The following OCIAD2 variants were observed in gnomAD, a reference collection of about 807,000 sequenced individuals.
OCIAD2 encodes OCIA domain-containing protein 2.
In OCIAD2, 29 loss-of-function variants were observed where a neutral mutation model predicts 22.9. The observed-to-expected ratio is 1.27, with a 90% CI of 0.94 to 1.73. The LOEUF (loss-of-function observed/expected upper bound fraction) is 1.73. OCIAD2 is among the 40% of genes most tolerant of loss of function. The probability of loss-of-function intolerance (pLI) is 0.00; values close to 1 mark genes in which losing one functional copy is unlikely to be tolerated. For missense variants in OCIAD2, 189 were observed against 180.3 expected, an observed-to-expected ratio of 1.05 and a Z score of -0.28; for synonymous variants, 67 against 60.2, an observed-to-expected ratio of 1.11 and a Z score of -0.52.
chr4:48,900,129 C>T (rs938991336), intron 2 of OCIAD2, among the ~76,000 whole-genome samples: 1 of 151,812 alleles, frequency 6.6e-6, no homozygotes, highest in East Asian at 1.9e-4. Flanking sequence ...GAATTCTAGT[C>T]GGAGAGTGGG....
intron 4 of OCIAD2, among the ~76,000 whole-genome samples, chr4:48,896,019 G>A (rs1041416388): frequency 3.3e-5 from 5 of 152,082 alleles, no homozygotes; most frequent in Non-Finnish European, 7.4e-5. Flanking sequence ...GCGACAGAGT[G>A]AGACTCCATC....
intron 5 of OCIAD2, chr4:48,893,169 G>T (rs988983221): frequency 2.8e-5 from 6 of 210,834 alleles, no homozygotes; most frequent in Non-Finnish European, 5.6e-5. Flanking sequence ...TCAAGCAAAC[G>T]GTTGAGGCCA....
chr4:48,888,785 G>C (rs1781071891), intron 6 of OCIAD2, among the ~76,000 whole-genome samples: 1 of 152,168 alleles, frequency 6.6e-6, no homozygotes, highest in African/African-American at 2.4e-5. Flanking sequence ...AGGGATATTG[G>C]TCTAAAATTC....
intron 6 of OCIAD2, among the ~76,000 whole-genome samples, chr4:48,889,806 G>C (rs111534013): frequency 1.6e-4 from 25 of 152,170 alleles, no homozygotes; most frequent in African/African-American, 4.3e-4. Flanking sequence ...CACATGCACA[G>C]GTATGTTTAT....
rs559943095 is a variant in OCIAD2 at position 48,893,857 on chromosome 4, A to T, written c.265+149T>A. On this transcript the variant is annotated intron_variant, in intron 5 of 6. Coordinates refer to ENST00000508632, the MANE Select transcript of OCIAD2 (RefSeq NM_001014446.3). Reference sequence around the variant, plus strand: ...AGTTTTTATTTATTTATTACTTTTTAAAAAAATAGATACAAGGTTTCACCA... The same window carrying T: ...AGTTTTTATTTATTTATTACTTTTTTAAAAAATAGATACAAGGTTTCACCA... The T allele has an allele frequency of 8.7e-5, 32 of 368,582 alleles. No homozygotes were observed. The South Asian group carries it at 1.3e-3, about 15-fold the overall frequency. The allele number at this position is 368,582 out of a possible 1,614,324, so 22.8% of individuals were successfully genotyped here.
At chr4:48,888,490 ATTATT>A (rs1781062067) in intron 6 of OCIAD2, among the ~76,000 whole-genome samples, 1 of 152,118 alleles carries the variant, frequency 6.6e-6, no homozygotes, top group African/African-American at 2.4e-5. Context: ...AATAGCTCTT[ATTATT>A]TTGAGATACA....
intron 4 of OCIAD2, among the ~76,000 whole-genome samples, chr4:48,895,776 G>A (rs1445308190): frequency 6.6e-6 from 1 of 152,154 alleles, no homozygotes; most frequent in Admixed American, 6.6e-5. Flanking sequence ...CACTTTGGGA[G>A]GCTGAGATGG....
chr4:48,902,407 T>C (rs557477247), intron 2 of OCIAD2, among the ~76,000 whole-genome samples: 19 of 152,272 alleles, frequency 1.2e-4, no homozygotes, highest in Non-Finnish European at 2.8e-4. Flanking sequence ...TCTGTGGAGC[T>C]CTACAAACAG....
rs151184329 is a variant in OCIAD2, at chr4:48,901,047, G to A, written c.67-1122C>T. 7.2e-5 allele frequency among the ~76,000 whole-genome samples: 11 copies of A among 152,234 alleles called. No individual in the cohort carries two copies. The East Asian group carries it at 2.1e-3, about 29-fold the overall frequency. On this transcript the variant is annotated intron_variant, in intron 2 of 6. Transcript: ENST00000508632. Reference sequence around the variant, plus strand: ...CCTCTGCCCATCACAACCATTCTGAGTGTTTAATGTGGTTCTTTTATTTCT... The same window carrying A: ...CCTCTGCCCATCACAACCATTCTGAATGTTTAATGTGGTTCTTTTATTTCT...
chr4:48,886,389 G>A (rs1484558081), intron 6 of OCIAD2, among the ~76,000 whole-genome samples: 4 of 152,044 alleles, frequency 2.6e-5, no homozygotes, highest in African/African-American at 4.8e-5. Flanking sequence ...TGTGCACAAC[G>A]TGCAGGTTTG....
At chr4:48,906,463 C>G (rs1483219189) in intron 1 of OCIAD2, among the ~76,000 whole-genome samples, 195 bp downstream of exon 1, 4 of 152,230 alleles carry the variant, frequency 2.6e-5, no homozygotes, top group Non-Finnish European at 5.9e-5. Context: ...GCTGCCATCC[C>G]TGGCCAGAAG....
At chr4:48,897,611 C>A (rs1414852395) in intron 4 of OCIAD2, among the ~76,000 whole-genome samples, 193 bp downstream of exon 4, 1 of 152,150 alleles carries the variant, frequency 6.6e-6, no homozygotes, top group Non-Finnish European at 1.5e-5. Flanking sequence ...TGCCATGTAA[C>A]CCAATATATT....
chr4:48,892,648 G>C (rs1781201572), intron 6 of OCIAD2, 124 bp downstream of exon 6: 1 of 521,504 alleles, frequency 1.9e-6, no homozygotes, highest in African/African-American at 2.0e-5. Context: ...CGCTAAACTT[G>C]AGGGTTAAAA....
intron 6 of OCIAD2, among the ~76,000 whole-genome samples, chr4:48,891,791 T>C (rs1264901463): frequency 6.6e-6 from 1 of 152,232 alleles, no homozygotes; most frequent in Non-Finnish European, 1.5e-5. Flanking sequence ...TATGGAATTA[T>C]AGATTCTTTG....
intron 2 of OCIAD2, among the ~76,000 whole-genome samples, chr4:48,900,429 T>C (rs1431875065): frequency 6.6e-6 from 1 of 152,188 alleles, no homozygotes; most frequent in East Asian, 1.9e-4. Context: ...GACTGTGGAC[T>C]GCTTTTTATT....
chr4:48,903,849 G>A (rs1781469361), intron 2 of OCIAD2, among the ~76,000 whole-genome samples: 1 of 151,902 alleles, frequency 6.6e-6, no homozygotes, highest in South Asian at 2.1e-4. Context: ...ATTTCACTAT[G>A]TTGGCCAGGA....
At chr4:48,886,523 A>G (rs1780994519) in intron 6 of OCIAD2, among the ~76,000 whole-genome samples, 1 of 120,764 alleles carries the variant, frequency 8.3e-6, no homozygotes, top group Non-Finnish European at 1.6e-5. Context: ...CTGGTGTGTG[A>G]TGTTCCCCTT....
At chr4:48,898,973 C>T (rs911964374) in intron 3 of OCIAD2, among the ~76,000 whole-genome samples, 9 of 152,148 alleles carry the variant, frequency 5.9e-5, no homozygotes, top group African/African-American at 2.2e-4. Context: ...TCTACTAGGG[C>T]CCAATTAAAT....
intron 2 of OCIAD2, among the ~76,000 whole-genome samples, chr4:48,902,417 G>T (rs1401786738): frequency 2.6e-5 from 4 of 152,320 alleles, no homozygotes; most frequent in African/African-American, 9.6e-5. Context: ...TCTACAAACA[G>T]TCCAAATGGG....
Sources: gnomAD v4.1 joint callset for allele counts (sites outside exome capture counted in the v4.1 genomes callset) on GRCh38, gnomAD v4.1.1 for gene constraint, MANE v1.5 for transcripts, NCBI Gene and HGNC (gene_info 2026-07-23, HGNC 2026-07-21) for gene names.